The following PCDH15 variants were observed in gnomAD, a reference collection of about 807,000 sequenced individuals.
PCDH15 encodes the protein protocadherin related 15.
In PCDH15, 129 loss-of-function variants were observed where a neutral mutation model predicts 178.5. The observed-to-expected ratio is 0.72, with a 90% CI of 0.63 to 0.84. The LOEUF is 0.84. PCDH15 is among the 40% of genes least tolerant of loss of function. The pLI is 0.00. For missense variants in PCDH15, 2,230 were observed against 2,099.9 expected (o/e 1.06, Z -1.21); for synonymous variants, 800 against 732.0 (o/e 1.09, Z -1.50).
chr10:54,049,512 G>A (rs2093722258), intron 18 of PCDH15, among the ~76,000 whole-genome samples: 1 of 152,160 alleles, frequency 6.6e-6, no homozygotes, highest in South Asian at 2.1e-4. Flanking sequence ...ATCTGCCATA[G>A]ATGGATCTGA....
intron 2 of PCDH15, among the ~76,000 whole-genome samples, chr10:55,165,550 AT>A (rs1300734134): frequency 6.6e-6 from 1 of 151,954 alleles, no homozygotes; most frequent in African/African-American, 2.4e-5. Context: ...AAATGGTAAA[AT>A]TATTTTTATT....
intron 13 of PCDH15, among the ~76,000 whole-genome samples, chr10:54,167,155 A>G (rs2046319315): frequency 6.6e-6 from 1 of 151,474 alleles, no homozygotes; most frequent in East Asian, 1.9e-4. Flanking sequence ...GGATCGGGGG[A>G]CCTCCCTTGG....
chr10:54,739,135 T>C (rs1156767950), intron 1 of PCDH15, among the ~76,000 whole-genome samples: 2 of 151,968 alleles, frequency 1.3e-5, no homozygotes, highest in African/African-American at 4.8e-5. Flanking sequence ...TTGCAGATGA[T>C]ATGATCTTAT....
intron 8 of PCDH15, among the ~76,000 whole-genome samples, chr10:54,296,641 A>T (rs1198373015): frequency 6.6e-6 from 1 of 152,034 alleles, no homozygotes; most frequent in Non-Finnish European, 1.5e-5. Flanking sequence ...GAAAGACATA[A>T]TTTTTGCCCA....
At chr10:53,824,749 T>G (rs959053795) in intron 32 of PCDH15, among the ~76,000 whole-genome samples, 1 of 152,106 alleles carries the variant, frequency 6.6e-6, no homozygotes, top group African/African-American at 2.4e-5. Context: ...CGTGGTTTGA[T>G]TTCTCTTGGT....
chr10:53,823,619 A>ATTTTTTGTTTTTGTTTT (rs2076467958), intron 32 of PCDH15, among the ~76,000 whole-genome samples: 1 of 151,440 alleles, frequency 6.6e-6, no homozygotes, highest in Admixed American at 6.6e-5. Flanking sequence ...GGAAGAGAGT[A>ATTTTTTGTTTTTGTTTT]TTTTTTGTTT....
At chr10:53,950,552 A>T (rs1342633096) in intron 23 of PCDH15, among the ~76,000 whole-genome samples, 2 of 152,178 alleles carry the variant, frequency 1.3e-5, no homozygotes, top group Non-Finnish European at 2.9e-5. Flanking sequence ...CCCACTCAAA[A>T]TCAATATTCA....
intron 28 of PCDH15, among the ~76,000 whole-genome samples, chr10:53,844,240 A>G (rs2077836384): frequency 6.6e-6 from 1 of 151,956 alleles, no homozygotes; most frequent in Non-Finnish European, 1.5e-5. Context: ...AAGTAATATG[A>G]TCTACCTTAC....
At chr10:55,597,510 A>T (rs1443447301) in intron 2 of PCDH15, among the ~76,000 whole-genome samples, 1 of 150,766 alleles carries the variant, frequency 6.6e-6, no homozygotes, top group Non-Finnish European at 1.5e-5. Context: ...GTAATTTTCT[A>T]AAAAATCCCA....
At chr10:54,620,467 A>G (rs907160103) in intron 2 of PCDH15, among the ~76,000 whole-genome samples, 1 of 152,056 alleles carries the variant, frequency 6.6e-6, no homozygotes, top group Non-Finnish European at 1.5e-5. Context: ...AAGACAAATT[A>G]CAGGGGTTGG....
chr10:54,428,343 C>A (rs1956548384), intron 3 of PCDH15, among the ~76,000 whole-genome samples: 1 of 152,160 alleles, frequency 6.6e-6, no homozygotes, highest in South Asian at 2.1e-4. Flanking sequence ...AGACTCAGTT[C>A]AAAGTTGTCA....
intron 3 of PCDH15, among the ~76,000 whole-genome samples, chr10:54,812,521 C>A (rs918857675): frequency 6.6e-6 from 1 of 151,888 alleles, no homozygotes; most frequent in Non-Finnish European, 1.5e-5. Flanking sequence ...TGCAGTGGCG[C>A]GATCTCAGCT....
intron 2 of PCDH15, among the ~76,000 whole-genome samples, chr10:54,567,151 C>T (rs867498083): frequency 1.3e-5 from 2 of 152,020 alleles, no homozygotes; most frequent in Non-Finnish European, 2.9e-5. Context: ...GTGACTGTTA[C>T]GGTTTTTGGC....
At chr10:54,149,465 C>A (rs900097105) in intron 14 of PCDH15, among the ~76,000 whole-genome samples, 3 of 151,994 alleles carry the variant, frequency 2.0e-5, no homozygotes, top group Non-Finnish European at 4.4e-5. Context: ...AGATGAAAAT[C>A]AAGCTCAAAA....
chr10:54,469,514 A>G (rs1176865379), intron 3 of PCDH15, among the ~76,000 whole-genome samples: 1 of 152,112 alleles, frequency 6.6e-6, no homozygotes, highest in African/African-American at 2.4e-5. Flanking sequence ...AATTCACCAC[A>G]CATACATGCA....
chr10:54,589,610 T>C (rs544658561), intron 2 of PCDH15, among the ~76,000 whole-genome samples: 4 of 152,218 alleles, frequency 2.6e-5, no homozygotes, highest in Non-Finnish European at 5.9e-5. Context: ...GTGTTATTCA[T>C]TGATATTTCA....
intron 3 of PCDH15, among the ~76,000 whole-genome samples, chr10:54,864,167 CT>C (rs1395142460): frequency 6.6e-6 from 1 of 152,080 alleles, no homozygotes; most frequent in Non-Finnish European, 1.5e-5. Context: ...CACTTGACAT[CT>C]TTGGCATATA....
At chr10:53,946,872 C>T (rs769016673) in intron 23 of PCDH15, among the ~76,000 whole-genome samples, 1 of 152,096 alleles carries the variant, frequency 6.6e-6, no homozygotes, top group Non-Finnish European at 1.5e-5. Context: ...GTGGCTCCCA[C>T]GTTCAAGCAA....
chr10:55,168,907 A>G lies in PCDH15; in HGVS notation c.-155-2256T>C, dbSNP rs530956441. Among the ~76,000 whole-genome samples, 9 of 152,258 alleles carry G rather than the reference A, an allele frequency of 5.9e-5. No individual in the cohort carries two copies. In the South Asian group the frequency reaches 1.2e-3, roughly 21 times the overall value. On this transcript the variant is annotated intron_variant, in intron 1 of 5. Transcript: ENST00000458638. ...CTAGATTTGGGGAGTTATAAATTAG[A>G]TCTTAAATAGAGAGTGTAGGATTTC...
Sources: allele counts gnomAD v4.1 joint callset (sites outside exome capture counted in the v4.1 genomes callset), GRCh38; gene constraint gnomAD v4.1.1; transcripts MANE v1.5; gene names NCBI Gene and HGNC (gene_info 2026-07-23, HGNC 2026-07-21).